HNF4G: variants seen among roughly 807,000 people sequenced by gnomAD.
The protein encoded by HNF4G is hepatocyte nuclear factor 4-gamma.
In HNF4G, 21 loss-of-function variants were observed where a neutral mutation model predicts 50.9. That is an observed-to-expected ratio of 0.41 (90% CI 0.29 to 0.59). The LOEUF is 0.59. Ranked by LOEUF, HNF4G falls within the 20% of genes least tolerant of loss-of-function variation. The pLI, the probability that HNF4G is intolerant of heterozygous loss-of-function variation, is 0.26. For synonymous variants in HNF4G, 198 were observed against 185.6 expected (o/e 1.07, Z -0.54); for missense variants, 527 against 559.4 (o/e 0.94, Z 0.58).
intron 1 of HNF4G, among the ~76,000 whole-genome samples, chr8:75,454,653 C>G (rs1427903454): frequency 6.6e-6 from 1 of 152,200 alleles, no homozygotes; most frequent in African/African-American, 2.4e-5. Context: ...TTGCTCAGGT[C>G]TCTTAAGTGT....
At chr8:75,440,674 C>T (rs1371286386) in intron 1 of HNF4G, among the ~76,000 whole-genome samples, 1 of 152,098 alleles carries the variant, frequency 6.6e-6, no homozygotes, top group Non-Finnish European at 1.5e-5. Flanking sequence ...GCTTATACTG[C>T]TGTCAATAAA....
At chr8:75,408,056 G>A (rs1228957215) in exon 1 of HNF4G, 2 of 152,188 alleles carry the variant, frequency 1.3e-5, no homozygotes, top group African/African-American at 2.4e-5. Context: ...TTCCCCTCGG[G>A]CGGCTGAAGG....
intron 1 of HNF4G, among the ~76,000 whole-genome samples, chr8:75,425,084 A>ATTTATTTATTTT (rs1563500898): frequency 6.7e-6 from 1 of 150,338 alleles, no homozygotes; most frequent in South Asian, 2.1e-4. Context: ...TTATTTATTT[A>ATTTATTTATTTT]TTTATTTATT....
intron 9 of HNF4G, 71 bp downstream of exon 9, chr8:75,560,537 G>T (rs530938465): frequency 1.6e-5 from 24 of 1,477,824 alleles, no homozygotes; most frequent in Non-Finnish European, 2.0e-5. Flanking sequence ...TTGTGGGAAA[G>T]AATCTATTAG....
intron 1 of HNF4G, among the ~76,000 whole-genome samples, chr8:75,443,576 G>A (rs1009978820): frequency 3.3e-5 from 5 of 152,138 alleles, no homozygotes; most frequent in African/African-American, 1.2e-4. Context: ...GCCCAGGCTG[G>A]TTTTGAACTC....
Position 75,560,465 on chromosome 8 carries a change from C to G in HNF4G, c.1245C>G (p.Ile415Met). Residue 415 changes from isoleucine to methionine, a missense_variant and splice_region_variant, in exon 9 of 10, where the codon ATC becomes ATG. Physicochemically the swap from Ile to Met is conservative, Grantham distance 10 (BLOSUM62 1). Around this residue, in one of 5 missense-constraint regions of HNF4G, gnomAD observed 308 missense variants for 301.5 expected, o/e 1.02. Transcript: ENST00000396423. The part of the protein sequence containing the change: ...PMSTLVHADQ[I>M]STPETPLPSP... Reference sequence around the variant, plus strand: ...CAACACTGGTTCATGCAGACCAGATCTGTAAGTTTATAGACTACTTTTCAA... The same window carrying G: ...CAACACTGGTTCATGCAGACCAGATGTGTAAGTTTATAGACTACTTTTCAA... 6.2e-7 allele frequency: 1 copy of G among 1,609,180 alleles called. No homozygotes were observed.
At chr8:75,475,685 T>C (rs899326904) in intron 1 of HNF4G, among the ~76,000 whole-genome samples, 4 of 152,198 alleles carry the variant, frequency 2.6e-5, no homozygotes, top group African/African-American at 9.6e-5. Context: ...TGATAAGCAC[T>C]GAAAACATAC....
At chr8:75,544,058 C>T in intron 2 of HNF4G, 79 bp downstream of exon 2, 2 of 1,310,490 alleles carry the variant, frequency 1.5e-6, no homozygotes, top group South Asian at 1.5e-5. Context: ...GAAGAAAATT[C>T]AGAGTTTTCG....
At chr8:75,482,960 T>A (rs1246700045) in intron 1 of HNF4G, among the ~76,000 whole-genome samples, 1 of 152,208 alleles carries the variant, frequency 6.6e-6, no homozygotes, top group Non-Finnish European at 1.5e-5. Context: ...AAAATTGTAA[T>A]CTAATTCCGT....
intron 1 of HNF4G, among the ~76,000 whole-genome samples, chr8:75,448,733 T>G (rs1250103806): frequency 6.6e-6 from 1 of 151,964 alleles, no homozygotes; most frequent in Non-Finnish European, 1.5e-5. Context: ...CTATCTGATC[T>G]TGGGATAAGG....
At chr8:75,497,327 C>T (rs2943602) in intron 2 of HNF4G, among the ~76,000 whole-genome samples, 42,652 of 151,856 alleles carry the variant, frequency 0.28, 7,463 homozygotes, top group African/African-American at 0.5. Context: ...CTAGGTACTG[C>T]AGAGAAATTA....
At position 75,420,917 on chromosome 8, in the gene HNF4G, A is replaced by G. The variant is rs530070633; in HGVS notation, c.-144+12755A>G. ...TTACATGACGTAATTATTTTTGTTT[A>G]GATTAAGATATGATGATTACTAAGA... On this transcript the variant is annotated intron_variant, in intron 1 of 10. Coordinates refer to the HNF4G transcript ENST00000354370. Among the ~76,000 whole-genome samples the G allele has an allele frequency of 2.0e-4, 31 of 152,336 alleles. 1 individual carries two copies. The South Asian group carries it at 6.2e-3, about 31-fold the overall frequency.
intron 1 of HNF4G, among the ~76,000 whole-genome samples, chr8:75,447,750 T>A (rs1811459518): frequency 6.9e-6 from 1 of 145,328 alleles, no homozygotes; most frequent in East Asian, 2.1e-4. Context: ...CTCACACCAG[T>A]TAGAATGGCA....
chr8:75,446,992 G>T (rs1281875805), intron 1 of HNF4G, among the ~76,000 whole-genome samples: 3 of 145,892 alleles, frequency 2.1e-5, no homozygotes, highest in East Asian at 2.1e-4. Flanking sequence ...TAAGCCAAAA[G>T]AACAAAGCTG....
At chr8:75,415,134 T>C (rs936256945) in intron 1 of HNF4G, among the ~76,000 whole-genome samples, 4 of 152,242 alleles carry the variant, frequency 2.6e-5, no homozygotes, top group Non-Finnish European at 5.9e-5. Context: ...TCTGAACATC[T>C]TTTCATGAGC....
At chr8:75,526,270 A>G (rs73690946) in intron 2 of HNF4G, among the ~76,000 whole-genome samples, 2,155 of 152,052 alleles carry the variant, frequency 0.014, 58 homozygotes, top group African/African-American at 0.049. Flanking sequence ...CTGTGACCAC[A>G]GGTGCACATC....
intron 1 of HNF4G, among the ~76,000 whole-genome samples, chr8:75,429,921 G>T (rs896120411): frequency 2.0e-5 from 3 of 152,086 alleles, no homozygotes; most frequent in African/African-American, 7.2e-5. Context: ...GGAGGCCGAG[G>T]CCAGCGGATC....
chr8:75,490,394 A>G (rs1812597049), intron 2 of HNF4G, among the ~76,000 whole-genome samples: 1 of 152,072 alleles, frequency 6.6e-6, no homozygotes, highest in Non-Finnish European at 1.5e-5. Context: ...TATTGCAAAT[A>G]TGATCTTCCT....
At chr8:75,487,193 A>G (rs924047206) in intron 1 of HNF4G, among the ~76,000 whole-genome samples, 7 of 152,280 alleles carry the variant, frequency 4.6e-5, no homozygotes, top group Non-Finnish European at 1.0e-4. Flanking sequence ...CCTTTTGCCA[A>G]CTTGCAGACA....
Sources: gnomAD v4.1 joint callset for allele counts (sites outside exome capture counted in the v4.1 genomes callset) on GRCh38, gnomAD v4.1.1 for gene constraint, gnomAD v4.1.1 regional missense constraint, MANE v1.5 for transcripts, NCBI Gene and HGNC (gene_info 2026-07-23, HGNC 2026-07-21) for gene names.